The following CERT1 variants were observed in gnomAD, a reference collection of about 807,000 sequenced individuals.
CERT1 encodes ceramide transfer protein.
In CERT1, 31 loss-of-function variants were observed where a neutral mutation model predicts 87.9. That is an observed-to-expected ratio of 0.35 (90% CI 0.27 to 0.48). The LOEUF is 0.48. Ranked by LOEUF, CERT1 falls within the 20% of genes least tolerant of loss-of-function variation. CERT1 has a pLI of 0.99. For missense variants in CERT1, 487 were observed against 758.0 expected, an observed-to-expected ratio of 0.64 and a Z score of 4.20; for synonymous variants, 289 against 250.9, an observed-to-expected ratio of 1.15 and a Z score of -1.44.
chr5:75,404,535 G>C (rs919004948), intron 8 of CERT1, among the ~76,000 whole-genome samples: 1 of 152,078 alleles, frequency 6.6e-6, no homozygotes, highest in Non-Finnish European at 1.5e-5. Flanking sequence ...CTGTTGATCA[G>C]AGAAAACACA....
At chr5:75,408,776 TA>T (rs901833491) in intron 8 of CERT1, among the ~76,000 whole-genome samples, 4 of 150,752 alleles carry the variant, frequency 2.7e-5, no homozygotes, top group African/African-American at 9.8e-5. Flanking sequence ...CAATGTAAAA[TA>T]AAATAAAAAA....
chr5:75,402,771 G>A (rs567304440), intron 9 of CERT1: 17 of 372,504 alleles, frequency 4.6e-5, no homozygotes, highest in African/African-American at 3.3e-4. Flanking sequence ...CTGCATTCTA[G>A]CCTGGGCAAC....
At chr5:75,509,024 G>C (rs1220502100) in intron 1 of CERT1, among the ~76,000 whole-genome samples, 1 of 151,814 alleles carries the variant, frequency 6.6e-6, no homozygotes, top group East Asian at 1.9e-4. Flanking sequence ...AGTATTTTTG[G>C]AATCTATACA....
chr5:75,401,100 C>T lies in CERT1; in HGVS notation c.1018-803G>A, dbSNP rs201250222. 3.7e-4 allele frequency: 57 copies of T among 152,288 alleles called. 1 individual carries two copies. Among genetic ancestry groups the T allele is most frequent in the African/African-American group, 1.1e-3 (47 of 41,564 alleles). The allele number at this position is 152,288 out of a possible 1,614,324, so 9.4% of individuals were successfully genotyped here. On this transcript the variant is annotated intron_variant, in intron 9 of 16. Coordinates refer to ENST00000643780, the MANE Select transcript of CERT1 (RefSeq NM_001379029.1). ...ACTGATTTTATGGATTACTGAAGCT[C>T]TCACTACTCTATAGAGTATTACCAC...
intron 2 of CERT1, among the ~76,000 whole-genome samples, chr5:75,469,122 TAAAAGA>T (rs1165428250): frequency 6.6e-6 from 1 of 151,276 alleles, no homozygotes; most frequent in Non-Finnish European, 1.5e-5. Context: ...AAATAATAAT[TAAAAGA>T]AAATCAAACA....
Position 75,378,844 on chromosome 5 carries a change from A to G in CERT1, c.*502T>C, listed in dbSNP as rs1281397773. On this transcript the variant is annotated 3_prime_UTR_variant, in exon 17 of 17. Coordinates refer to ENST00000643780, the MANE Select transcript of CERT1 (RefSeq NM_001379029.1). ...TTTCTTTACATAAGCATTAGAAGAA[A>G]AAGGAAACAATAAAAGAATTAAGTT... 1 of 152,292 alleles carries G rather than the reference A, an allele frequency of 6.6e-6. No individual in the cohort carries two copies. The highest frequency in any genetic ancestry group is 1.5e-5 in the Non-Finnish European group (1 of 68,108). The allele number at this position is 152,292 out of a possible 1,614,324, so 9.4% of individuals were successfully genotyped here.
chr5:75,400,211 G>T lies in CERT1; in HGVS notation c.1104C>A (p.Val368=), dbSNP rs564849044. The change falls in exon 10 of 17, where the codon GTC becomes GTA. Residue 368 remains valine (V), a synonymous_variant. Coordinates refer to ENST00000643780, the MANE Select transcript of CERT1 (RefSeq NM_001379029.1). ...AACTCTGACATTAGCTTACCTTTTG[G>T]ACAAATCTATGTGTCCCCACAGAAG... The part of the protein sequence containing the change: ...AFSSVGTHRF[V]QKPYSRSSSM... The T allele has an allele frequency of 2.6e-4, 424 of 1,606,016 alleles. 3 individuals are homozygous for T. In the South Asian group the frequency reaches 4.5e-3, roughly 17 times the overall value.
At chr5:75,500,813 T>G (rs1481139061) in intron 2 of CERT1, among the ~76,000 whole-genome samples, 1 of 152,218 alleles carries the variant, frequency 6.6e-6, no homozygotes, top group African/African-American at 2.4e-5. Context: ...TCTTTGATGA[T>G]ACCCAATTTG....
intron 8 of CERT1, 146 bp from the exon 9 acceptor site, chr5:75,403,204 T>C (rs989750220): frequency 3.6e-5 from 22 of 616,462 alleles, no homozygotes; most frequent in East Asian, 1.9e-4. Context: ...TACTAGATCA[T>C]ATGCATGCTC....
chr5:75,388,599 C>CATAT (rs59799780), intron 12 of CERT1, among the ~76,000 whole-genome samples: 3,450 of 90,882 alleles, frequency 0.038, 114 homozygotes, highest in Middle Eastern at 0.059. Flanking sequence ...AGCATGCATG[C>CATAT]ATATATATAT....
intron 3 of CERT1, among the ~76,000 whole-genome samples, chr5:75,429,205 T>C (rs1410067932): frequency 6.7e-6 from 1 of 148,490 alleles, no homozygotes; most frequent in Non-Finnish European, 1.5e-5. Flanking sequence ...ATAATTATTA[T>C]TATTATTATT....
At chr5:75,467,641 C>CAAAA (rs1458470572) in intron 2 of CERT1, among the ~76,000 whole-genome samples, 10 of 49,944 alleles carry the variant, frequency 2.0e-4, no homozygotes, top group Non-Finnish European at 2.6e-4. Flanking sequence ...ACTCTGTCTC[C>CAAAA]AAAAAAAAGA....
chr5:75,419,474 A>C, intron 5 of CERT1, 50 bp from the exon 6 acceptor site: 1 of 1,240,138 alleles, frequency 8.1e-7, no homozygotes, highest in Non-Finnish European at 1.2e-6. Flanking sequence ...ATAGAAATTA[A>C]TGTCTATTCT....
chr5:75,398,555 C>T (rs928979762), intron 11 of CERT1, among the ~76,000 whole-genome samples: 1 of 151,954 alleles, frequency 6.6e-6, no homozygotes, highest in African/African-American at 2.4e-5. Flanking sequence ...CAATAAAATG[C>T]AATCACCAGA....
chr5:75,485,072 C>G (rs1196978752), intron 2 of CERT1, among the ~76,000 whole-genome samples: 3 of 151,880 alleles, frequency 2.0e-5, no homozygotes, highest in Non-Finnish European at 4.4e-5. Context: ...AAACTTGGAA[C>G]TAAACAACAC....
At chr5:75,458,655 G>A (rs1308026804) in intron 3 of CERT1, among the ~76,000 whole-genome samples, 5 of 151,850 alleles carry the variant, frequency 3.3e-5, no homozygotes, top group East Asian at 3.9e-4. Context: ...GGATTCAAGC[G>A]GTTCTACTGC....
chr5:75,508,481 CA>C (rs1767763257), intron 1 of CERT1, among the ~76,000 whole-genome samples: 1 of 152,268 alleles, frequency 6.6e-6, no homozygotes, highest in African/African-American at 2.4e-5. Context: ...CAAACTGTAT[CA>C]GCTTCAGGAC....
intron 2 of CERT1, among the ~76,000 whole-genome samples, chr5:75,494,832 G>A (rs1390676499): frequency 2.0e-5 from 3 of 152,108 alleles, no homozygotes; most frequent in Admixed American, 2.0e-4. Flanking sequence ...TTGGGATTTC[G>A]ACAGTTTTTA....
intron 5 of CERT1, among the ~76,000 whole-genome samples, chr5:75,425,099 T>A (rs540928632): frequency 6.6e-6 from 1 of 152,060 alleles, no homozygotes; most frequent in Non-Finnish European, 1.5e-5. Context: ...GCCTGGGCGA[T>A]AGAATGAAAC....
Sources: allele counts gnomAD v4.1 joint callset (sites outside exome capture counted in the v4.1 genomes callset), GRCh38; gene constraint gnomAD v4.1.1; transcripts MANE v1.5; gene names NCBI Gene and HGNC (gene_info 2026-07-23, HGNC 2026-07-21).